Variants in EXOC2 observed in about 807,000 individuals in gnomAD.
The protein encoded by EXOC2 is exocyst complex component 2, also known as SEC5-like 1.
In EXOC2, 70 loss-of-function variants were observed where a neutral mutation model predicts 131.8. That is an observed-to-expected ratio of 0.53 (90% confidence interval 0.44 to 0.65). The LOEUF is 0.65. Among genes scored for constraint, EXOC2 ranks in the 30% least tolerant of loss-of-function variants. EXOC2 has a pLI of 0.00. For synonymous variants in EXOC2, 411 were observed against 398.4 expected (o/e 1.03, Z -0.38); for missense variants, 923 against 1,108.6 (o/e 0.83, Z 2.38).
At chr6:616,602 C>CAAAAAA (rs70985805) in intron 6 of EXOC2, among the ~76,000 whole-genome samples, 4,965 of 69,342 alleles carry the variant, frequency 0.072, 491 homozygotes, top group Non-Finnish European at 0.1. Flanking sequence ...AACTCCGTCT[C>CAAAAAA]AAAAAAAAAA....
chr6:553,768 G>A, intron 21 of EXOC2, 86 bp downstream of exon 21: 3 of 1,080,988 alleles, frequency 2.8e-6, no homozygotes, highest in Non-Finnish European at 4.3e-6. Context: ...GCTATAGCAA[G>A]GATGCAGGAA....
intron 23 of EXOC2, among the ~76,000 whole-genome samples, chr6:521,418 T>TA (rs1159696759): frequency 6.6e-6 from 1 of 152,212 alleles, no homozygotes; most frequent in Non-Finnish European, 1.5e-5. Flanking sequence ...ATGATGTTCA[T>TA]GATGGTAGCC....
intron 11 of EXOC2, among the ~76,000 whole-genome samples, chr6:585,644 T>C (rs559522700): frequency 6.6e-6 from 1 of 152,214 alleles, no homozygotes; most frequent in Non-Finnish European, 1.5e-5. Context: ...TACATACAAT[T>C]AACATTTTTT....
At chr6:507,107 C>T (rs1457659408) in intron 23 of EXOC2, among the ~76,000 whole-genome samples, 1 of 143,286 alleles carries the variant, frequency 7.0e-6, no homozygotes, top group African/African-American at 2.6e-5. Flanking sequence ...CACACACACA[C>T]AGCAGTGACT....
intron 10 of EXOC2, 151 bp downstream of exon 10, chr6:597,870 C>T: frequency 3.4e-6 from 2 of 588,280 alleles, no homozygotes; most frequent in South Asian, 4.8e-5. Flanking sequence ...TGATGTCCTA[C>T]GCCAGATAAC....
chr6:656,343 T>C (rs17136239), intron 1 of EXOC2: 129,041 of 1,614,082 alleles, frequency 0.08, 6,576 homozygotes, highest in South Asian at 0.19. Context: ...AAAATAACTT[T>C]GAATGGACAC....
chr6:622,158 G>A (rs980678523), intron 4 of EXOC2, among the ~76,000 whole-genome samples: 8 of 152,236 alleles, frequency 5.3e-5, no homozygotes, highest in African/African-American at 1.9e-4. Context: ...CATGGTGGCT[G>A]CAGACCATGT....
In EXOC2 at chr6:679,855, C is replaced by G. The variant is rs571944758; in HGVS notation, c.-44+13164G>C. Among the ~76,000 whole-genome samples, 23 of 152,224 alleles carry G rather than the reference C, an allele frequency of 1.5e-4. No homozygotes were observed. In the South Asian group the frequency reaches 4.6e-3, roughly 30 times the overall value. On this transcript the variant is annotated intron_variant, in intron 1 of 27. Coordinates refer to ENST00000230449, the MANE Select transcript of EXOC2 (RefSeq NM_018303.6). ...AAATAGGCAGATAGGTATGAACAGA[C>G]AGATGTACAGAAAAAGTTCCTAGAA...
At position 564,530 on chromosome 6, in the gene EXOC2, T is replaced by C; in HGVS notation, c.1667+15A>G. On this transcript the variant is annotated intron_variant, in intron 15 of 27. Transcript: ENST00000230449. Reference sequence around the variant, plus strand: ...ACAGAAGTACGCCTTTCTCTGAGAATGTGTCCATACTCACCTTACAGTCTG... The same window carrying C: ...ACAGAAGTACGCCTTTCTCTGAGAACGTGTCCATACTCACCTTACAGTCTG... 1.9e-6 allele frequency: 3 copies of C among 1,613,892 alleles called. No individual in the cohort carries two copies. The highest frequency in any genetic ancestry group is 2.5e-6 in the Non-Finnish European group (3 of 1,179,970).
intron 7 of EXOC2, among the ~76,000 whole-genome samples, chr6:605,762 C>T (rs1042931851): frequency 1.3e-5 from 2 of 152,124 alleles, no homozygotes; most frequent in Non-Finnish European, 2.9e-5. Context: ...TGTGTTTGCT[C>T]TTGCTTCTCT....
At chr6:567,452 TTAC>T (rs1206435358) in intron 13 of EXOC2, among the ~76,000 whole-genome samples, 1 of 152,250 alleles carries the variant, frequency 6.6e-6, no homozygotes, top group Non-Finnish European at 1.5e-5. Flanking sequence ...TTTATAGCTG[TTAC>T]CAGAATTTTT....
chr6:556,779 C>T (rs1175058739), intron 17 of EXOC2, among the ~76,000 whole-genome samples: 2 of 152,226 alleles, frequency 1.3e-5, no homozygotes, highest in Non-Finnish European at 1.5e-5. Flanking sequence ...TCTTGAGACT[C>T]CAAAGTATAT....
intron 21 of EXOC2, among the ~76,000 whole-genome samples, chr6:551,906 A>T (rs1311919562): frequency 6.6e-6 from 1 of 152,220 alleles, no homozygotes; most frequent in Non-Finnish European, 1.5e-5. Flanking sequence ...GAGCCCATAA[A>T]TACTGGCACC....
At chr6:653,128 C>G (rs1180939737) in intron 1 of EXOC2, among the ~76,000 whole-genome samples, 9 of 152,178 alleles carry the variant, frequency 5.9e-5, no homozygotes, top group Admixed American at 5.9e-4. Context: ...CCAGCATTCT[C>G]TCTCCCTCTC....
intron 1 of EXOC2, chr6:656,818 G>T: frequency 1.2e-6 from 2 of 1,609,426 alleles, no homozygotes; most frequent in Non-Finnish European, 1.7e-6. Flanking sequence ...GAACCCGCGG[G>T]GCCGAAGCAC....
At chr6:540,067 A>G (rs1171310568) in intron 22 of EXOC2, among the ~76,000 whole-genome samples, 1 of 152,250 alleles carries the variant, frequency 6.6e-6, no homozygotes, top group Admixed American at 6.5e-5. Flanking sequence ...CTGTGTCTCC[A>G]GGACTTGTTA....
chr6:615,289 T>G (rs1760937538), intron 6 of EXOC2, among the ~76,000 whole-genome samples: 1 of 151,932 alleles, frequency 6.6e-6, no homozygotes, highest in South Asian at 2.1e-4. Flanking sequence ...ACTGATCCAC[T>G]GCAGTGTCTG....
chr6:518,392 T>G (rs1024893732), intron 23 of EXOC2, among the ~76,000 whole-genome samples: 1 of 152,194 alleles, frequency 6.6e-6, no homozygotes. Context: ...TAACCAAAAG[T>G]TTTTAAATGA....
At chr6:588,386 T>A (rs562167463) in intron 11 of EXOC2, among the ~76,000 whole-genome samples, 32 of 152,364 alleles carry the variant, frequency 2.1e-4, no homozygotes, top group Non-Finnish European at 3.7e-4. Context: ...TGAGTCTCAC[T>A]CTGTTGCCCA....
Sources: allele counts gnomAD v4.1 joint callset (sites outside exome capture counted in the v4.1 genomes callset), GRCh38; gene constraint gnomAD v4.1.1; transcripts MANE v1.5; gene names NCBI Gene and HGNC (gene_info 2026-07-23, HGNC 2026-07-21).